The following MCUB variants were observed in gnomAD, a reference collection of about 807,000 sequenced individuals.
MCUB encodes the protein calcium uniporter regulatory subunit MCUb, mitochondrial.
Under a neutral mutation model 41.4 loss-of-function variants are expected in MCUB, and 46 were observed. The ratio of observed to expected loss-of-function variants is 1.11; its 90% CI spans 0.88 to 1.42. The LOEUF is 1.42. Among genes scored for constraint, MCUB ranks in the 40% most tolerant of loss-of-function variants. The probability of loss-of-function intolerance (pLI) is 0.00; values close to 1 mark genes in which losing one functional copy is unlikely to be tolerated. For missense variants in MCUB, 403 were observed against 404.9 expected, an observed-to-expected ratio of 1.00 and a Z score of 0.04; for synonymous variants, 148 against 148.2, an observed-to-expected ratio of 1.00 and a Z score of 0.01.
Position 109,615,652 on chromosome 4 carries a change from G to A in MCUB, c.100-43359G>A, listed in dbSNP as rs1052017786. ...TCTCGAACTCCTGACCTTGTGATCC[G>A]CCCGCCTCGGCCTCCCAAAGTGCTG... On this transcript the variant is annotated intron_variant, in intron 1 of 7. Transcript: ENST00000394650. 2.6e-5 allele frequency among the ~76,000 whole-genome samples: 4 copies of A among 151,948 alleles called. No homozygotes were observed. In the East Asian group the frequency reaches 7.8e-4, roughly 29 times the overall value.
chr4:109,612,537 A>T (rs765304442), intron 1 of MCUB, among the ~76,000 whole-genome samples: 73 of 151,940 alleles, frequency 4.8e-4, no homozygotes, highest in Non-Finnish European at 8.8e-4. Flanking sequence ...AAGTGCTAGG[A>T]TTATAGGTGT....
intron 1 of MCUB, among the ~76,000 whole-genome samples, chr4:109,633,377 C>T (rs1469104969): frequency 6.6e-6 from 1 of 152,058 alleles, no homozygotes; most frequent in African/African-American, 2.4e-5. Context: ...ACGCCATTGT[C>T]CTGCCTCAGC....
intron 1 of MCUB, among the ~76,000 whole-genome samples, chr4:109,620,296 G>A (rs1488383815): frequency 6.6e-6 from 1 of 151,970 alleles, no homozygotes; most frequent in Non-Finnish European, 1.5e-5. Context: ...TCAGAGGTGA[G>A]GCCTGTCTGT....
intron 4 of MCUB, among the ~76,000 whole-genome samples, chr4:109,681,764 C>T (rs1035865593): frequency 2.0e-5 from 3 of 152,172 alleles, no homozygotes; most frequent in East Asian, 1.9e-4. Flanking sequence ...CTGCTGGATC[C>T]GGAAGAATGT....
rs1315223364 is a variant in MCUB at position 109,560,469 on chromosome 4, G to C, written c.99+33G>C. 5.7e-6 allele frequency: 6 copies of C among 1,054,624 alleles called. No individual in the cohort carries two copies. The East Asian group carries it at 9.8e-5, about 17-fold the overall frequency. The allele number at this position is 1,054,624 out of a possible 1,614,324, so 65.3% of individuals were successfully genotyped here. On this transcript the variant is annotated intron_variant, in intron 1 of 7. Coordinates refer to ENST00000394650, the MANE Select transcript of MCUB (RefSeq NM_017918.5). The stretch of plus-strand genomic sequence containing the variant: ...CGGGTGCCGGGCTGTGGGGGTTCGG[G>C]GTAGGCTGGTGCAAAGTTTGCGTTG...
chr4:109,595,782 T>G (rs1727541473), intron 1 of MCUB, among the ~76,000 whole-genome samples: 2 of 152,268 alleles, frequency 1.3e-5, no homozygotes. Flanking sequence ...TGGAGGAGAT[T>G]GTAGGGTCAT....
intron 3 of MCUB, among the ~76,000 whole-genome samples, chr4:109,663,956 C>T (rs540422507): frequency 2.0e-5 from 3 of 152,172 alleles, no homozygotes; most frequent in South Asian, 2.1e-4. Flanking sequence ...ACTGCTCTGG[C>T]CTTGCTGTGA....
chr4:109,562,153 C>T (rs577269548), intron 1 of MCUB, among the ~76,000 whole-genome samples: 1 of 152,258 alleles, frequency 6.6e-6, no homozygotes, highest in East Asian at 1.9e-4. Flanking sequence ...ATCCTTTTCT[C>T]CATATTTCCC....
intron 1 of MCUB, among the ~76,000 whole-genome samples, chr4:109,578,253 G>A (rs987050592): frequency 6.6e-6 from 1 of 151,994 alleles, no homozygotes; most frequent in Non-Finnish European, 1.5e-5. Context: ...CCAATATATG[G>A]GAATATAGTT....
At chr4:109,658,593 G>A (rs1239405150) in intron 1 of MCUB, among the ~76,000 whole-genome samples, 2 of 152,114 alleles carry the variant, frequency 1.3e-5, no homozygotes, top group South Asian at 2.1e-4. Flanking sequence ...CACCATGCCC[G>A]GCCCGATTCT....
intron 6 of MCUB, 90 bp downstream of exon 6, chr4:109,684,736 C>A: frequency 1.5e-6 from 1 of 659,860 alleles, no homozygotes; most frequent in Non-Finnish European, 2.7e-6. Flanking sequence ...TTTTTATTTA[C>A]TGAATTACTG....
chr4:109,664,086 T>A (rs1579090254), intron 3 of MCUB, among the ~76,000 whole-genome samples: 1 of 152,190 alleles, frequency 6.6e-6, no homozygotes, highest in East Asian at 1.9e-4. Flanking sequence ...CCTGTTCCAT[T>A]TCGTCCAAGG....
chr4:109,674,488 T>C (rs1308584040), intron 4 of MCUB, among the ~76,000 whole-genome samples: 1 of 152,238 alleles, frequency 6.6e-6, no homozygotes, highest in East Asian at 1.9e-4. Flanking sequence ...TTGGATGTTG[T>C]ATAAGAGTCC....
At chr4:109,584,836 G>C (rs1046653495) in intron 1 of MCUB, among the ~76,000 whole-genome samples, 6 of 152,156 alleles carry the variant, frequency 3.9e-5, no homozygotes, top group African/African-American at 1.4e-4. Context: ...TGTGATTTCT[G>C]TTCTTTTATA....
chr4:109,598,014 G>C (rs1315471278), intron 1 of MCUB, among the ~76,000 whole-genome samples: 2 of 151,122 alleles, frequency 1.3e-5, no homozygotes, highest in African/African-American at 2.4e-5. Flanking sequence ...GGGCAGAGAC[G>C]CTCTTCACTT....
chr4:109,671,187 C>T (rs1391780703), intron 4 of MCUB, among the ~76,000 whole-genome samples: 2 of 152,140 alleles, frequency 1.3e-5, no homozygotes, highest in South Asian at 4.1e-4. Context: ...TTTTTTATGT[C>T]AGACAGGAAA....
At chr4:109,650,593 T>G (rs1728939922) in intron 1 of MCUB, among the ~76,000 whole-genome samples, 1 of 152,210 alleles carries the variant, frequency 6.6e-6, no homozygotes, top group African/African-American at 2.4e-5. Flanking sequence ...TCTGAACTAT[T>G]TGAGAATACA....
At chr4:109,657,773 A>G (rs1222580586) in intron 1 of MCUB, among the ~76,000 whole-genome samples, 1 of 152,250 alleles carries the variant, frequency 6.6e-6, no homozygotes, top group East Asian at 1.9e-4. Context: ...GTAAACACAA[A>G]CACCAATGCA....
intron 6 of MCUB, 173 bp from the exon 7 acceptor site, chr4:109,685,078 A>G (rs548058185): frequency 2.1e-6 from 1 of 477,698 alleles, no homozygotes; most frequent in South Asian, 4.2e-5. Context: ...CAGATCTTAA[A>G]TGAGACTAAA....
Sources: allele counts gnomAD v4.1 joint callset (sites outside exome capture counted in the v4.1 genomes callset), GRCh38; gene constraint gnomAD v4.1.1; transcripts MANE v1.5; gene names NCBI Gene and HGNC (gene_info 2026-07-23, HGNC 2026-07-21).